RERE: variants seen among roughly 807,000 people sequenced by gnomAD.
RERE encodes arginine-glutamic acid dipeptide repeats.
Under a neutral mutation model 146.1 loss-of-function variants are expected in RERE, and 40 were observed. The observed-to-expected ratio is 0.27, with a 90% confidence interval of 0.21 to 0.36. The LOEUF (loss-of-function observed/expected upper bound fraction) is 0.36, where lower values mean the gene tolerates loss of function less well. Among genes scored for constraint, RERE ranks in the 10% least tolerant of loss-of-function variants. The pLI is 1.00. For missense variants in RERE, 1,933 were observed against 2,138.7 expected, an observed-to-expected ratio of 0.90 and a Z score of 1.90; for synonymous variants, 1,003 against 866.0, an observed-to-expected ratio of 1.16 and a Z score of -2.78.
chr1:8,638,613 C>T (rs1411850734), intron 2 of RERE, among the ~76,000 whole-genome samples: 5 of 152,108 alleles, frequency 3.3e-5, no homozygotes, highest in Admixed American at 1.3e-4. Context: ...AATAGCTTAA[C>T]TCCATATACG....
chr1:8,529,792 T>C (rs12077062), intron 7 of RERE, among the ~76,000 whole-genome samples: 2,224 of 152,128 alleles, frequency 0.015, 49 homozygotes, highest in African/African-American at 0.05. Flanking sequence ...TCTCAAGGAG[T>C]CTTGAAACCG....
intron 2 of RERE, among the ~76,000 whole-genome samples, chr1:8,635,386 A>C (rs1286755320): frequency 6.6e-6 from 1 of 152,236 alleles, no homozygotes; most frequent in East Asian, 1.9e-4. Context: ...GATTTCAGCA[A>C]GGTCATAGTA....
At chr1:8,515,525 G>A (rs1010313767) in intron 7 of RERE, among the ~76,000 whole-genome samples, 3 of 152,154 alleles carry the variant, frequency 2.0e-5, no homozygotes, top group African/African-American at 7.2e-5. Flanking sequence ...CAGCTACTCA[G>A]GAGGCTGAGG....
At chr1:8,404,167 C>T (rs557918769) in intron 12 of RERE, among the ~76,000 whole-genome samples, 67 of 152,126 alleles carry the variant, frequency 4.4e-4, no homozygotes, top group Middle Eastern at 3.4e-3. Flanking sequence ...CGGTGGCTCA[C>T]GCTTGTAATC....
At chr1:8,762,479 G>A (rs1239519821) in intron 1 of RERE, among the ~76,000 whole-genome samples, 1 of 152,132 alleles carries the variant, frequency 6.6e-6, no homozygotes, top group East Asian at 1.9e-4. Context: ...TACAAATTGT[G>A]AAGACTAATC....
chr1:8,791,693 C>T (rs558644819), intron 1 of RERE, among the ~76,000 whole-genome samples: 123 of 152,238 alleles, frequency 8.1e-4, no homozygotes, highest in African/African-American at 2.7e-3. Context: ...TGTAAGTATA[C>T]GGGAAGCATG....
intron 1 of RERE, among the ~76,000 whole-genome samples, chr1:8,675,710 C>T (rs959762255): frequency 6.6e-6 from 1 of 150,654 alleles, no homozygotes; most frequent in Non-Finnish European, 1.5e-5. Context: ...GCGACAAGAG[C>T]GAAACTCCGA....
intron 12 of RERE, among the ~76,000 whole-genome samples, chr1:8,375,076 C>CCGTT (rs2124396359): frequency 6.8e-6 from 1 of 148,024 alleles, no homozygotes; most frequent in South Asian, 2.2e-4. Context: ...GTGCTGTAAC[C>CCGTT]ATACATGGGC....
chr1:8,510,608 C>T (rs74050216), intron 7 of RERE, among the ~76,000 whole-genome samples: 3,165 of 152,316 alleles, frequency 0.021, 121 homozygotes, highest in African/African-American at 0.073. Flanking sequence ...GAAAAACAAG[C>T]AAGCAGTCAG....
intron 10 of RERE, among the ~76,000 whole-genome samples, chr1:8,475,228 G>A (rs1557648500): frequency 6.7e-6 from 1 of 149,646 alleles, no homozygotes; most frequent in Non-Finnish European, 1.5e-5. Context: ...ACAAAAATTA[G>A]CCGGGTGTGG....
intron 11 of RERE, among the ~76,000 whole-genome samples, chr1:8,461,658 T>C (rs1341835062): frequency 6.6e-6 from 1 of 151,956 alleles, no homozygotes; most frequent in South Asian, 2.1e-4. Flanking sequence ...AGAAATAAAC[T>C]GAGAGTTTGA....
intron 10 of RERE, among the ~76,000 whole-genome samples, chr1:8,492,313 G>A (rs552712635): frequency 2.6e-5 from 4 of 152,194 alleles, no homozygotes; most frequent in African/African-American, 7.2e-5. Context: ...GAATTCTTAA[G>A]AGAGTTTGGA....
At chr1:8,701,868 C>T (rs1379807615) in intron 1 of RERE, among the ~76,000 whole-genome samples, 4 of 152,164 alleles carry the variant, frequency 2.6e-5, no homozygotes, top group African/African-American at 7.2e-5. Context: ...TAAAAATCTG[C>T]CTTGTGTAAT....
At chr1:8,556,414 CT>C in intron 6 of RERE, 60 bp downstream of exon 6, 1 of 972,626 alleles carries the variant, frequency 1.0e-6, no homozygotes, top group African/African-American at 1.6e-5. Context: ...AGAAATTACT[CT>C]CCACCTCCTG....
intron 1 of RERE, among the ~76,000 whole-genome samples, chr1:8,740,774 A>G (rs112207184): frequency 4.9e-4 from 75 of 152,312 alleles, no homozygotes; most frequent in African/African-American, 1.6e-3. Flanking sequence ...TGTTGGACCA[A>G]TGGAAGGTCT....
At chr1:8,775,798 T>C (rs1011781229) in intron 1 of RERE, among the ~76,000 whole-genome samples, 1 of 152,260 alleles carries the variant, frequency 6.6e-6, no homozygotes, top group South Asian at 2.1e-4. Context: ...GCTTTGCATA[T>C]ATTAACTCAT....
At chr1:8,771,091 C>T (rs1328974032) in intron 1 of RERE, among the ~76,000 whole-genome samples, 2 of 151,936 alleles carry the variant, frequency 1.3e-5, no homozygotes, top group Admixed American at 6.6e-5. Context: ...CTACAGCAGT[C>T]AGAATCCACT....
chr1:8,671,389 T>A (rs1638714069), intron 1 of RERE, among the ~76,000 whole-genome samples: 1 of 151,720 alleles, frequency 6.6e-6, no homozygotes, highest in South Asian at 2.1e-4. Flanking sequence ...ATGGACAACT[T>A]CTGTATTAAT....
chr1:8,787,561 G>A (rs1641280451), intron 1 of RERE, among the ~76,000 whole-genome samples: 2 of 152,102 alleles, frequency 1.3e-5, no homozygotes, highest in Admixed American at 6.6e-5. Flanking sequence ...AGGCACAGTG[G>A]CTCACACCTG....
Sources: gnomAD v4.1 joint callset for allele counts (sites outside exome capture counted in the v4.1 genomes callset) on GRCh38, gnomAD v4.1.1 for gene constraint, MANE v1.5 for transcripts, NCBI Gene and HGNC (gene_info 2026-07-23, HGNC 2026-07-21) for gene names.